Variants in MAGI2 observed in about 807,000 individuals in gnomAD.
MAGI2 encodes membrane-associated guanylate kinase, WW and PDZ domain-containing protein 2.
A neutral mutation model predicts 133.3 loss-of-function variants in MAGI2; 35 were observed. The ratio of observed to expected loss-of-function variants is 0.26; its 90% confidence interval spans 0.20 to 0.35. MAGI2 has a LOEUF of 0.35. Ranked by LOEUF, MAGI2 falls within the 10% of genes least tolerant of loss-of-function variation. MAGI2 has a pLI of 1.00. For missense variants in MAGI2, 1,636 were observed against 1,863.4 expected (o/e 0.88, Z 2.25); for synonymous variants, 729 against 710.6 (o/e 1.03, Z -0.41).
intron 1 of MAGI2, among the ~76,000 whole-genome samples, chr7:79,378,720 T>C (rs1214759909): frequency 1.3e-5 from 2 of 151,272 alleles, no homozygotes; most frequent in South Asian, 2.1e-4. Context: ...ACAAAGTATT[T>C]CAATATACAT....
rs528648540 is a variant in MAGI2 at position 78,731,918 on chromosome 7, C to T, written c.419-104679G>A. Among the ~76,000 whole-genome samples, 6 of 152,258 alleles carry T rather than the reference C, an allele frequency of 3.9e-5. No individual in the cohort carries two copies. In the South Asian group the frequency reaches 1.0e-3, roughly 26 times the overall value. The stretch of plus-strand genomic sequence containing the variant: ...TGAATGTAAAATTTCAGGAGATTCA[C>T]TCTCTTTAGAAGCTAATCCACATAC... On this transcript the variant is annotated intron_variant, in intron 2 of 21. Transcript: ENST00000354212.
intron 1 of MAGI2, among the ~76,000 whole-genome samples, chr7:79,243,107 C>T (rs149951121): frequency 0.012 from 1,852 of 151,914 alleles, 20 homozygotes; most frequent in Non-Finnish European, 0.018. Context: ...TCCCGGGCAA[C>T]AGAGCAAGAC....
intron 6 of MAGI2, among the ~76,000 whole-genome samples, chr7:78,383,432 A>G (rs142026080): frequency 1.2e-3 from 181 of 152,110 alleles, no homozygotes; most frequent in Non-Finnish European, 2.0e-3. Flanking sequence ...GTCTATTCAT[A>G]TCATTTGCCC....
chr7:78,236,027 G>GT (rs34874243), intron 10 of MAGI2, among the ~76,000 whole-genome samples: 3,904 of 134,594 alleles, frequency 0.029, 85 homozygotes, highest in East Asian at 0.088. Flanking sequence ...AAGACTGTAT[G>GT]TTTTTTTTTT....
At position 78,121,231 on chromosome 7, in the gene MAGI2, T is replaced by TAAAA. The variant is rs60654902; in HGVS notation, c.3567+4459_3567+4462dup. On this transcript the variant is annotated intron_variant, in intron 20 of 21. Transcript: ENST00000354212. Reference sequence around the variant, plus strand: ...AACAAGACACAGAAAGCAGAAACTATAAAAAAAAAAAAAAGGGTTAAGCCA... The same window carrying TAAAA: ...AACAAGACACAGAAAGCAGAAACTATAAAAAAAAAAAAAAAAAAGGGTTAAGCCA... 3.0e-3 allele frequency among the ~76,000 whole-genome samples: 381 copies of TAAAA among 126,594 alleles called. 1 individual carries two copies. Among genetic ancestry groups the TAAAA allele is most frequent in the Middle Eastern group, 0.012 (3 of 256 alleles). 83.1% of individuals were successfully genotyped at this position (126,594 alleles called of 152,430 possible).
chr7:78,931,109 C>G (rs1168726820), intron 2 of MAGI2, among the ~76,000 whole-genome samples: 4 of 152,072 alleles, frequency 2.6e-5, no homozygotes, highest in African/African-American at 9.7e-5. Flanking sequence ...AAACCAAACA[C>G]AGAAATAAAG....
chr7:78,178,931 C>A (rs1826930069), intron 13 of MAGI2, among the ~76,000 whole-genome samples: 1 of 152,176 alleles, frequency 6.6e-6, no homozygotes, highest in South Asian at 2.1e-4. Flanking sequence ...TCCTGAATGT[C>A]ATTTTTTCAG....
At chr7:78,405,423 T>G (rs537367521) in intron 6 of MAGI2, among the ~76,000 whole-genome samples, 2 of 152,192 alleles carry the variant, frequency 1.3e-5, no homozygotes, top group East Asian at 3.9e-4. Flanking sequence ...TTAAGTAAGC[T>G]TCATTTGATT....
rs1812537684 is a variant in MAGI2 at position 79,050,085 on chromosome 7, T to C, written c.302-42879A>G. Among the ~76,000 whole-genome samples, 4 of 152,120 alleles carry C rather than the reference T, an allele frequency of 2.6e-5. 1 individual carries two copies. In the South Asian group the frequency reaches 8.3e-4, roughly 32 times the overall value. On this transcript the variant is annotated intron_variant, in intron 1 of 21. Transcript: ENST00000354212. Reference sequence around the variant, plus strand: ...TAAGTTCCTTCAAAGGTGATTTAAATTTGCTTCTTTCAGGGGCCCTGAAAG... The same window carrying C: ...TAAGTTCCTTCAAAGGTGATTTAAACTTGCTTCTTTCAGGGGCCCTGAAAG...
chr7:78,678,332 G>C (rs1815273146), intron 2 of MAGI2, among the ~76,000 whole-genome samples: 2 of 151,982 alleles, frequency 1.3e-5, no homozygotes, highest in South Asian at 4.1e-4. Flanking sequence ...TCATGAAAAG[G>C]GCTCATCATC....
At chr7:78,994,581 C>G (rs1475531825) in intron 2 of MAGI2, among the ~76,000 whole-genome samples, 2 of 152,042 alleles carry the variant, frequency 1.3e-5, no homozygotes, top group African/African-American at 4.8e-5. Flanking sequence ...GTCAGAGAAA[C>G]CAGACCTATA....
At chr7:78,365,526 C>CTAAACTTAA in intron 7 of MAGI2, among the ~76,000 whole-genome samples, 1 of 152,244 alleles carries the variant, frequency 6.6e-6, no homozygotes, top group South Asian at 2.1e-4. Flanking sequence ...GCCAGGGTTT[C>CTAAACTTAA]CTCATCTGTA....
chr7:79,097,513 CAG>C (rs1200067853), intron 1 of MAGI2, among the ~76,000 whole-genome samples: 1 of 152,096 alleles, frequency 6.6e-6, no homozygotes, highest in Non-Finnish European at 1.5e-5. Flanking sequence ...AAGAAAAAGG[CAG>C]AGAGTGGGGA....
intron 3 of MAGI2, among the ~76,000 whole-genome samples, chr7:78,551,941 T>C (rs768891578): frequency 3.3e-5 from 5 of 152,124 alleles, no homozygotes; most frequent in Non-Finnish European, 7.3e-5. Flanking sequence ...GACAAAGTTT[T>C]GCCATGTTGC....
intron 1 of MAGI2, chr7:79,410,342 A>G (rs1846061524): frequency 6.6e-6 from 1 of 152,198 alleles, no homozygotes; most frequent in Non-Finnish European, 1.5e-5. Flanking sequence ...GGGATAATTT[A>G]GGAGTGGGAA....
intron 1 of MAGI2, among the ~76,000 whole-genome samples, chr7:79,133,891 C>G (rs1218611459): frequency 1.3e-5 from 2 of 152,096 alleles, no homozygotes; most frequent in African/African-American, 4.8e-5. Context: ...CCACTGGGAC[C>G]CATGTAATAA....
intron 1 of MAGI2, among the ~76,000 whole-genome samples, chr7:79,041,469 TA>T (rs2116908875): frequency 6.6e-6 from 1 of 152,256 alleles, no homozygotes; most frequent in East Asian, 1.9e-4. Flanking sequence ...AATTCTTTAA[TA>T]AACATAATAT....
chr7:78,098,727 C>T (rs1053958728), intron 20 of MAGI2, among the ~76,000 whole-genome samples: 6 of 152,108 alleles, frequency 3.9e-5, no homozygotes, highest in Non-Finnish European at 7.4e-5. Flanking sequence ...CAGTAGTGAC[C>T]GTAGTAAGCT....
At chr7:78,106,569 T>G (rs1818714517) in intron 20 of MAGI2, among the ~76,000 whole-genome samples, 1 of 152,186 alleles carries the variant, frequency 6.6e-6, no homozygotes, top group African/African-American at 2.4e-5. Flanking sequence ...TGAGATGATA[T>G]CTCATTGTAG....
Sources: gnomAD v4.1 joint callset for allele counts (sites outside exome capture counted in the v4.1 genomes callset) on GRCh38, gnomAD v4.1.1 for gene constraint, MANE v1.5 for transcripts, NCBI Gene and HGNC (gene_info 2026-07-23, HGNC 2026-07-21) for gene names.